Variants in CPT2 observed in about 807,000 individuals in gnomAD.
CPT2 encodes the protein carnitine O-palmitoyltransferase 2, mitochondrial.
CPT2 carries 37 observed loss-of-function variants against 48.6 expected under a neutral mutation model. The observed-to-expected ratio is 0.76, with a 90% CI of 0.59 to 1.00. The LOEUF is 1.00. CPT2 is among the 50% of genes least tolerant of loss of function. CPT2 has a pLI of 0.00. For synonymous variants in CPT2, 319 were observed against 326.9 expected, an observed-to-expected ratio of 0.98 and a Z score of 0.26; for missense variants, 772 against 825.6, an observed-to-expected ratio of 0.94 and a Z score of 0.80.
At chr1:53,198,246 A>C (rs1340401022) in intron 1 of CPT2, among the ~76,000 whole-genome samples, 1 of 151,782 alleles carries the variant, frequency 6.6e-6, no homozygotes, top group Non-Finnish European at 1.5e-5. Flanking sequence ...GATTCCCCAC[A>C]CTCCAAGAGC....
intron 1 of CPT2, chr1:53,199,642 G>A (rs1645343512): frequency 1.3e-5 from 2 of 152,248 alleles, no homozygotes. Context: ...CTGGAATTAT[G>A]AGGTAGCTGA....
Position 53,213,399 on chromosome 1 carries a change from GC to G in CPT2, c.1784del (p.Pro595GlnfsTer3), listed in dbSNP as rs760255368. On this transcript the variant is annotated frameshift_variant, in exon 5 of 5. Coordinates refer to ENST00000371486, the MANE Select transcript of CPT2 (RefSeq NM_000098.3). LOFTEE classifies it high-confidence loss of function. ...GTCCTGTCCACGAGCACACTGAGCA[GC>G]CCAGCAGTGAACCTTGGGGGCTTTG... ...HNVLSTSTLS[S>X]PAVNLGGFAP... 52 of 1,614,144 alleles carry G rather than the reference GC, an allele frequency of 3.2e-5. No individual in the cohort carries two copies. Among genetic ancestry groups the G allele is most frequent in the Non-Finnish European group, 4.2e-5 (50 of 1,180,056 alleles).
chr1:53,209,872 A>G, intron 3 of CPT2, 143 bp from the exon 4 acceptor site: 1 of 695,996 alleles, frequency 1.4e-6, no homozygotes, highest in Non-Finnish European at 2.4e-6. Context: ...GAATTATTGC[A>G]GAGCAAAAAC....
Position 53,213,258 on chromosome 1 carries a change from T to C in CPT2, c.1646-6T>C. On this transcript the variant is annotated splice_polypyrimidine_tract_variant and splice_region_variant and intron_variant, in intron 4 of 4. Coordinates refer to ENST00000371486, the MANE Select transcript of CPT2 (RefSeq NM_000098.3). ...AGACTCTGGTTTTCCATTTTGTTTC[T>C]CACAGGCCAGGGCTTTGACCGACAC... 6.2e-6 allele frequency: 10 copies of C among 1,614,058 alleles called. No homozygotes were observed. The highest frequency in any genetic ancestry group is 8.5e-6 in the Non-Finnish European group (10 of 1,180,030).
intron 4 of CPT2, among the ~76,000 whole-genome samples, chr1:53,211,700 G>A (rs1645429852): frequency 2.0e-5 from 3 of 147,758 alleles, no homozygotes; most frequent in South Asian, 2.2e-4. Flanking sequence ...CCAGGTTCAA[G>A]TGATTCTCCT....
At chr1:53,209,052 A>T (rs1264173702) in intron 3 of CPT2, 3 of 152,198 alleles carry the variant, frequency 2.0e-5, no homozygotes, top group African/African-American at 7.2e-5. Context: ...CATGTATAAG[A>T]ATGTTCATAA....
At position 53,210,727 on chromosome 1, in the gene CPT2, G is replaced by T. The variant is rs761438840; in HGVS notation, c.1053G>T (p.Trp351Cys). The change falls in exon 4 of 5, where the codon TGG becomes TGT. Residue 351 changes from tryptophan to cysteine, a missense_variant. Physicochemically the swap from Trp to Cys is radical, Grantham distance 215. Transcript: ENST00000371486. ...NMLHGDGTNR[W>C]FDKSFNLIIA... ...TGCATGGGGATGGCACAAACCGCTG[G>T]TTTGATAAATCCTTTAACCTCATTA... The T allele has an allele frequency of 6.2e-7, 1 of 1,614,214 alleles. No homozygotes were observed. Among genetic ancestry groups the T allele is most frequent in the Admixed American group, 1.7e-5 (1 of 60,030 alleles).
At chr1:53,211,611 T>TC in intron 4 of CPT2, 1 of 392,092 alleles carries the variant, frequency 2.6e-6, no homozygotes, top group Non-Finnish European at 4.6e-6. Flanking sequence ...TTTTTTTTTT[T>TC]TTTTTTTGGA....
chr1:53,204,246 G>A (rs1401594220), intron 3 of CPT2: 3 of 150,176 alleles, frequency 2.0e-5, no homozygotes, highest in African/African-American at 7.5e-5. Context: ...AGAATTTCTG[G>A]GTCTCATCCT....
chr1:53,211,962 G>A (rs1325248595), intron 4 of CPT2, among the ~76,000 whole-genome samples: 1 of 151,426 alleles, frequency 6.6e-6, no homozygotes, highest in African/African-American at 2.4e-5. Flanking sequence ...GTGCAATCAT[G>A]GCTCACTGCA....
chr1:53,213,048 A>C (rs1247103554), intron 4 of CPT2: 1 of 600,410 alleles, frequency 1.7e-6, no homozygotes, highest in Non-Finnish European at 3.0e-6. Context: ...AGCTATTTTT[A>C]AATGTAACAT....
rs1645420538 is a variant in CPT2, at chr1:53,210,802, T to C, written c.1128T>C (p.Asp376=). The C allele has an allele frequency of 1.2e-6, 2 of 1,614,162 alleles. No homozygotes were observed. Among genetic ancestry groups the C allele is most frequent in the Non-Finnish European group, 1.7e-6 (2 of 1,180,012 alleles). Reference sequence around the variant, plus strand: ...TCCACTTTGAGCACTCTTGGGGTGATGGTGTGGCAGTGCTCAGATTTTTTA... The same window carrying C: ...TCCACTTTGAGCACTCTTGGGGTGACGGTGTGGCAGTGCTCAGATTTTTTA... ...TAVHFEHSWG[D]GVAVLRFFNE... The change falls in exon 4 of 5, where the codon GAT becomes GAC. Residue 376 remains aspartate, a synonymous_variant. Coordinates refer to ENST00000371486, the MANE Select transcript of CPT2 (RefSeq NM_000098.3).
At chr1:53,211,367 T>C in intron 4 of CPT2, 48 bp downstream of exon 4, 1 of 1,514,730 alleles carries the variant, frequency 6.6e-7, no homozygotes. Flanking sequence ...CCTCAGTGCT[T>C]GGGTAAGCAA....
chr1:53,200,452 G>T (rs2100259473), intron 1 of CPT2: 1 of 370,690 alleles, frequency 2.7e-6, no homozygotes, highest in East Asian at 5.9e-5. Context: ...GGCAGCTTCT[G>T]CTTCCCCATT....
chr1:53,205,614 G>A (rs2100265891), intron 3 of CPT2, among the ~76,000 whole-genome samples: 1 of 152,368 alleles, frequency 6.6e-6, no homozygotes, highest in East Asian at 1.9e-4. Flanking sequence ...AGACAATGGG[G>A]AGAATGTCTT....
rs1645413843 is a variant in CPT2, at chr1:53,210,299, G to A, written c.625G>A (p.Ala209Thr). 3.7e-6 allele frequency: 6 copies of A among 1,614,060 alleles called. No individual in the cohort carries two copies. The highest frequency in any genetic ancestry group is 5.1e-6 in the Non-Finnish European group (6 of 1,180,050). Residue 209 changes from alanine to threonine, a missense_variant, in exon 4 of 5, where the codon GCG (alanine) becomes ACG (threonine). By Grantham distance (58) the Ala-to-Thr change is moderately conservative (BLOSUM62 0). Coordinates refer to ENST00000371486, the MANE Select transcript of CPT2 (RefSeq NM_000098.3). ...LSWYGAYLVNAYPLDMSQYFR... is the reference protein window; with the variant it reads ...LSWYGAYLVNTYPLDMSQYFR... The stretch of plus-strand genomic sequence containing the variant: ...CTGGTATGGGGCCTACCTGGTCAAT[G>A]CGTATCCCCTGGATATGTCCCAGTA...
At position 53,196,883 on chromosome 1, in the gene CPT2, TG is replaced by T. The variant is rs1645324055; in HGVS notation, c.-60del. ...TGGGCGCTAACGGCGGCGGCGGCCT[TG>T]TGTTTAGACTCCAGAACTCCCCACT... is the stretch of plus-strand genomic sequence containing the variant. On this transcript the variant is annotated 5_prime_UTR_variant, in exon 1 of 5. Coordinates refer to ENST00000371486, the MANE Select transcript of CPT2 (RefSeq NM_000098.3). 7 of 1,523,208 alleles carry T rather than the reference TG, an allele frequency of 4.6e-6. No individual in the cohort carries two copies. The highest frequency in any genetic ancestry group is 6.1e-6 in the Non-Finnish European group (7 of 1,140,898). The allele number at this position is 1,523,208 out of a possible 1,614,324, so 94.4% of individuals were successfully genotyped here.
At position 53,197,028 on chromosome 1, in the gene CPT2, T is replaced by C. The variant is rs1342928062; in HGVS notation, c.85T>C (p.Ser29Pro). Reference protein sequence around the residue: ...GAPSRPLSAGSGPGQYLQRSI... With the variant: ...GAPSRPLSAGPGPGQYLQRSI... Reference sequence around the variant, plus strand: ...CCCCAGTCGGCCCCTCAGCGCCGGCTCCGGGCCCGGCCAGTACCTGCAGCG... The same window carrying C: ...CCCCAGTCGGCCCCTCAGCGCCGGCCCCGGGCCCGGCCAGTACCTGCAGCG... The change falls in exon 1 of 5, where the codon TCC (serine) becomes CCC (proline). Residue 29 changes from serine to proline, a missense_variant. Ser to Pro is a moderately conservative substitution (Grantham distance 74, BLOSUM62 -1). Transcript: ENST00000371486. 1 of 1,536,426 alleles carries C rather than the reference T, an allele frequency of 6.5e-7. No individual in the cohort carries two copies.
chr1:53,199,448 C>T (rs555532325), intron 1 of CPT2, among the ~76,000 whole-genome samples: 14 of 152,184 alleles, frequency 9.2e-5, no homozygotes, highest in Non-Finnish European at 1.5e-5. Flanking sequence ...CCTCGGCCTC[C>T]CAAAGTGCTG....
Sources: allele counts gnomAD v4.1 joint callset (sites outside exome capture counted in the v4.1 genomes callset), GRCh38; gene constraint gnomAD v4.1.1; transcripts MANE v1.5; gene names NCBI Gene and HGNC (gene_info 2026-07-23, HGNC 2026-07-21).